Variants in CLDN10 observed in about 807,000 individuals in gnomAD.
CLDN10 encodes the protein claudin 10, also known as claudin-10.
CLDN10 carries 15 observed loss-of-function variants against 22.9 expected under a neutral mutation model. That is an observed-to-expected ratio of 0.65 (90% CI 0.44 to 1.01). The LOEUF (loss-of-function observed/expected upper bound fraction) is 1.01. Among genes scored for constraint, CLDN10 ranks in the 50% least tolerant of loss-of-function variants. The pLI is 0.00. For missense variants in CLDN10, 247 were observed against 287.8 expected (o/e 0.86, Z 1.03); for synonymous variants, 114 against 111.4 (o/e 1.02, Z -0.15).
At chr13:95,440,170 C>A (rs1217425183) in intron 1 of CLDN10, among the ~76,000 whole-genome samples, 1 of 152,062 alleles carries the variant, frequency 6.6e-6, no homozygotes, top group Non-Finnish European at 1.5e-5. Context: ...CCTCAGCTTC[C>A]CAAAGTGCTG....
At chr13:95,448,764 TTCTC>T (rs372698344) in intron 1 of CLDN10, among the ~76,000 whole-genome samples, 1 of 149,792 alleles carries the variant, frequency 6.7e-6, no homozygotes, top group Non-Finnish European at 1.5e-5. Flanking sequence ...TTGAGGCAGA[TTCTC>T]TCTCTCTCTC....
At chr13:95,480,478 G>A (rs116299998) in intron 1 of CLDN10, among the ~76,000 whole-genome samples, 2,502 of 152,304 alleles carry the variant, frequency 0.016, 66 homozygotes, top group African/African-American at 0.057. Context: ...AATAGGAAGC[G>A]TCTGAAGCTG....
At chr13:95,457,626 G>A (rs1195935589) in intron 1 of CLDN10, among the ~76,000 whole-genome samples, 2 of 152,062 alleles carry the variant, frequency 1.3e-5, no homozygotes, top group African/African-American at 4.8e-5. Context: ...GTTCTTCCCA[G>A]TTATCAGATA....
At chr13:95,460,041 A>C (rs1406150725) in intron 1 of CLDN10, among the ~76,000 whole-genome samples, 1 of 152,200 alleles carries the variant, frequency 6.6e-6, no homozygotes. Context: ...TCTCTAGGGC[A>C]GGGGCAAAGT....
At chr13:95,453,011 G>T (rs186629540) in intron 1 of CLDN10, among the ~76,000 whole-genome samples, 3 of 152,186 alleles carry the variant, frequency 2.0e-5, no homozygotes, top group Admixed American at 6.5e-5. Context: ...CAATGTACAG[G>T]TCTTGCCTTC....
At position 95,511,036 on chromosome 13, in the gene CLDN10, ATGTATT is replaced by A. The variant is rs2043091675; in HGVS notation, c.215-49092_215-49087del. The stretch of plus-strand genomic sequence containing the variant: ...AATATAAAAGTACTCTATGAATATG[ATGTATT>A]TGTCAGGCATAAGAATTTTCTAGAA... On this transcript the variant is annotated intron_variant, in intron 1 of 4. Transcript: ENST00000376873. 2.0e-5 allele frequency among the ~76,000 whole-genome samples: 3 copies of A among 152,310 alleles called. No individual in the cohort carries two copies. In the South Asian group the frequency reaches 6.2e-4, roughly 32 times the overall value.
chr13:95,488,355 T>G (rs2042828869), intron 1 of CLDN10, among the ~76,000 whole-genome samples: 1 of 151,958 alleles, frequency 6.6e-6, no homozygotes. Context: ...AATTTTTTTT[T>G]TAACAATTTT....
chr13:95,469,186 T>C (rs1252818563), intron 1 of CLDN10, among the ~76,000 whole-genome samples: 1 of 151,874 alleles, frequency 6.6e-6, no homozygotes, highest in African/African-American at 2.4e-5. Flanking sequence ...ATGACTGTAG[T>C]TTAAAAATAG....
At chr13:95,463,255 CATAT>C (rs1468475659) in intron 1 of CLDN10, among the ~76,000 whole-genome samples, 1 of 100,162 alleles carries the variant, frequency 1.0e-5, no homozygotes, top group East Asian at 2.9e-4. Flanking sequence ...TGTATATATA[CATAT>C]AGTTGAGTCA....
At chr13:95,558,928 A>G (rs1436965646) in intron 1 of CLDN10, among the ~76,000 whole-genome samples, 1 of 151,814 alleles carries the variant, frequency 6.6e-6, no homozygotes, top group African/African-American at 2.4e-5. Context: ...CCTGTGTTAA[A>G]AAAAGAAAAG....
At chr13:95,465,558 C>T (rs1251242371) in intron 1 of CLDN10, among the ~76,000 whole-genome samples, 3 of 152,308 alleles carry the variant, frequency 2.0e-5, no homozygotes, top group Middle Eastern at 3.4e-3. Context: ...CCATTCACTA[C>T]AAAAATACTC....
intron 3 of CLDN10, among the ~76,000 whole-genome samples, chr13:95,569,262 G>A (rs191271625): frequency 7.9e-5 from 12 of 152,254 alleles, no homozygotes; most frequent in African/African-American, 2.9e-4. Flanking sequence ...TCAAGTAGAA[G>A]GCACGTTTGA....
chr13:95,536,556 T>C (rs1291971741), intron 1 of CLDN10, among the ~76,000 whole-genome samples: 4 of 152,166 alleles, frequency 2.6e-5, no homozygotes, highest in Non-Finnish European at 5.9e-5. Flanking sequence ...CTAGAGAAAA[T>C]TGGTCCTAAA....
At chr13:95,546,750 C>T (rs1406740288) in intron 1 of CLDN10, among the ~76,000 whole-genome samples, 2 of 152,152 alleles carry the variant, frequency 1.3e-5, no homozygotes, top group African/African-American at 4.8e-5. Flanking sequence ...CTTCCCACTC[C>T]TTACACCTAG....
In CLDN10 at chr13:95,434,521, GTA is replaced by G. The variant is rs1297710157; in HGVS notation, c.214+484_214+485del. Among the ~76,000 whole-genome samples the G allele has an allele frequency of 6.0e-5, 7 of 116,738 alleles. 1 individual carries two copies. The highest frequency in any genetic ancestry group is 1.4e-4 in the African/African-American group (3 of 21,576). 76.6% of individuals were successfully genotyped at this position (116,738 alleles called of 152,430 possible). A position where few individuals can be genotyped will look rare whatever the true frequency, so the allele number is the denominator to read the frequency against. ...CACAGAGGTATCTATATGTGTGTGT[GTA>G]TATATATATGCACACGTGTGTATAT... On this transcript the variant is annotated intron_variant, in intron 1 of 4. Transcript: ENST00000376873.
chr13:95,448,764 T>G (rs188216779), intron 1 of CLDN10, among the ~76,000 whole-genome samples: 1,627 of 149,894 alleles, frequency 0.011, 36 homozygotes, highest in African/African-American at 0.038. Flanking sequence ...TTGAGGCAGA[T>G]TCTCTCTCTC....
intron 1 of CLDN10, among the ~76,000 whole-genome samples, chr13:95,532,969 G>T (rs901726021): frequency 2.0e-5 from 3 of 151,846 alleles, no homozygotes; most frequent in Non-Finnish European, 4.4e-5. Context: ...CAAGAAAAAC[G>T]GGGGGAGTGG....
At chr13:95,565,509 G>C (rs1392899100) in intron 3 of CLDN10, among the ~76,000 whole-genome samples, 3 of 152,144 alleles carry the variant, frequency 2.0e-5, no homozygotes, top group South Asian at 2.1e-4. Flanking sequence ...TCAAAATCAT[G>C]TCGCACTTCT....
intron 1 of CLDN10, among the ~76,000 whole-genome samples, chr13:95,559,003 C>T (rs1036519644): frequency 6.6e-6 from 1 of 152,198 alleles, no homozygotes; most frequent in East Asian, 1.9e-4. Context: ...ATCATGGTCT[C>T]GGAATTATTA....
Sources: allele counts gnomAD v4.1 joint callset (sites outside exome capture counted in the v4.1 genomes callset), GRCh38; gene constraint gnomAD v4.1.1; transcripts MANE v1.5; gene names NCBI Gene and HGNC (gene_info 2026-07-23, HGNC 2026-07-21).